RBFOX1: variants seen among roughly 807,000 people sequenced by gnomAD.
RBFOX1 encodes RNA binding protein fox-1 homolog 1.
A neutral mutation model predicts 57.7 loss-of-function variants in RBFOX1; 8 were observed. That is an observed-to-expected ratio of 0.14 (90% CI 0.08 to 0.25). RBFOX1 has a LOEUF of 0.25. Among genes scored for constraint, RBFOX1 ranks in the 10% least tolerant of loss-of-function variants. The pLI is 1.00. For missense variants in RBFOX1, 611 were observed against 548.5 expected (o/e 1.11, Z -1.14); for synonymous variants, 326 against 222.4 (o/e 1.47, Z -4.15).
chr16:6,999,491 C>T (rs986413944), intron 3 of RBFOX1, among the ~76,000 whole-genome samples: 3 of 151,402 alleles, frequency 2.0e-5, no homozygotes, highest in African/African-American at 7.3e-5. Flanking sequence ...CTGGAGCATT[C>T]TCAGTTGTTT....
At chr16:6,648,351 T>G (rs2098550440) in intron 2 of RBFOX1, among the ~76,000 whole-genome samples, 1 of 151,644 alleles carries the variant, frequency 6.6e-6, no homozygotes, top group South Asian at 2.1e-4. Flanking sequence ...ATGATGCATT[T>G]TAACTGGCTC....
intron 2 of RBFOX1, among the ~76,000 whole-genome samples, chr16:6,318,496 G>A (rs1283221329): frequency 1.3e-5 from 2 of 152,146 alleles, no homozygotes; most frequent in East Asian, 3.9e-4. Context: ...TGGGCAGGGA[G>A]GGGAGGGATG....
intron 5 of RBFOX1, among the ~76,000 whole-genome samples, chr16:7,567,355 A>G (rs1349789057): frequency 1.0e-5 from 1 of 98,166 alleles, no homozygotes; most frequent in Non-Finnish European, 2.3e-5. Context: ...ATATATCCCT[A>G]TATATGGCCC....
intron 3 of RBFOX1, among the ~76,000 whole-genome samples, chr16:5,815,493 C>T (rs774664903): frequency 3.2e-4 from 49 of 152,048 alleles, no homozygotes; most frequent in Non-Finnish European, 6.8e-4. Flanking sequence ...AATGAGTATT[C>T]AGTCACTAAT....
At chr16:7,685,191 A>AC (rs913376721) in intron 14 of RBFOX1, among the ~76,000 whole-genome samples, 2 of 152,054 alleles carry the variant, frequency 1.3e-5, no homozygotes, top group African/African-American at 4.8e-5. Flanking sequence ...CTTCTGTTCT[A>AC]CCCCGATATG....
At chr16:7,645,125 C>A (rs909878102) in intron 11 of RBFOX1, among the ~76,000 whole-genome samples, 1 of 152,138 alleles carries the variant, frequency 6.6e-6, no homozygotes, top group Non-Finnish European at 1.5e-5. Context: ...GTGCATTTCT[C>A]TCCAAGTTCA....
At chr16:6,930,955 C>T (rs1348862116) in intron 3 of RBFOX1, among the ~76,000 whole-genome samples, 4 of 151,456 alleles carry the variant, frequency 2.6e-5, no homozygotes, top group Non-Finnish European at 5.9e-5. Flanking sequence ...ATATAGTATC[C>T]CACCCCCCTA....
intron 2 of RBFOX1, among the ~76,000 whole-genome samples, chr16:6,366,297 C>G (rs1600163069): frequency 6.6e-6 from 1 of 152,244 alleles, no homozygotes; most frequent in East Asian, 1.9e-4. Flanking sequence ...ATGTTCTAAA[C>G]TCACCATACC....
intron 1 of RBFOX1, among the ~76,000 whole-genome samples, chr16:6,227,909 C>T (rs1464891659): frequency 2.0e-5 from 3 of 152,144 alleles, no homozygotes; most frequent in Non-Finnish European, 4.4e-5. Flanking sequence ...AATAGAACTA[C>T]CATATGATTC....
At position 7,614,795 on chromosome 16, in the gene RBFOX1, A is replaced by C. The variant is rs533595937; in HGVS notation, c.676+7457A>C. On this transcript the variant is annotated intron_variant, in intron 10 of 15. Coordinates refer to ENST00000550418, the MANE Select transcript of RBFOX1 (RefSeq NM_018723.4). ...GTGCTGAACACCTTGTTTCTCCTCAAATCCTTATGAAAATGCTATCCCATT... is the reference window on the plus strand; with the variant it reads ...GTGCTGAACACCTTGTTTCTCCTCACATCCTTATGAAAATGCTATCCCATT... The C allele has an allele frequency of 4.6e-5, 7 of 152,342 alleles. No individual in the cohort carries two copies. In the East Asian group the frequency reaches 1.2e-3, roughly 25 times the overall value. The allele number at this position is 152,342 out of a possible 1,614,324, so 9.4% of individuals were successfully genotyped here. A position where few individuals can be genotyped will look rare whatever the true frequency, so the allele number is the denominator to read the frequency against.
chr16:5,950,802 G>A (rs1221112785), intron 4 of RBFOX1, among the ~76,000 whole-genome samples: 1 of 152,056 alleles, frequency 6.6e-6, no homozygotes, highest in South Asian at 2.1e-4. Flanking sequence ...TAGGATACCT[G>A]AGTTCAAGGG....
chr16:7,459,302 G>T (rs897327289), intron 4 of RBFOX1, among the ~76,000 whole-genome samples: 3 of 152,180 alleles, frequency 2.0e-5, no homozygotes, highest in Non-Finnish European at 4.4e-5. Flanking sequence ...CACACTTTCT[G>T]GAGAAAGTCC....
At chr16:6,104,001 TC>T (rs1220006033) in intron 1 of RBFOX1, among the ~76,000 whole-genome samples, 2 of 152,150 alleles carry the variant, frequency 1.3e-5, no homozygotes, top group Admixed American at 6.5e-5. Context: ...CTTCCTCTGT[TC>T]CCAGTTCTTG....
At chr16:7,348,091 T>C (rs1351920620) in intron 4 of RBFOX1, among the ~76,000 whole-genome samples, 1 of 152,242 alleles carries the variant, frequency 6.6e-6, no homozygotes, top group South Asian at 2.1e-4. Context: ...CAAAACTGTT[T>C]TAAAACATTG....
chr16:5,544,860 T>G (rs190360060), intron 2 of RBFOX1, among the ~76,000 whole-genome samples: 2 of 151,728 alleles, frequency 1.3e-5, no homozygotes, highest in Admixed American at 6.6e-5. Flanking sequence ...GTAACCGTAT[T>G]AACCCTATAT....
intron 3 of RBFOX1, among the ~76,000 whole-genome samples, chr16:5,612,070 C>T (rs952876513): frequency 3.3e-5 from 5 of 151,114 alleles, no homozygotes; most frequent in African/African-American, 9.7e-5. Flanking sequence ...ATCTAGTCTC[C>T]CACCCACCTA....
chr16:6,074,789 G>A (rs965527019), intron 1 of RBFOX1, among the ~76,000 whole-genome samples: 2 of 152,128 alleles, frequency 1.3e-5, no homozygotes, highest in East Asian at 1.9e-4. Context: ...CAGGCCTCAC[G>A]GGGAAAAGGA....
intron 1 of RBFOX1, among the ~76,000 whole-genome samples, chr16:6,102,274 CTAT>C (rs2096321576): frequency 6.6e-6 from 1 of 151,486 alleles, no homozygotes; most frequent in South Asian, 2.1e-4. Flanking sequence ...TTCCCTCTCA[CTAT>C]CTTTCCTTCT....
chr16:6,726,547 G>C (rs1231779852), intron 3 of RBFOX1, among the ~76,000 whole-genome samples: 1 of 152,026 alleles, frequency 6.6e-6, no homozygotes, highest in Non-Finnish European at 1.5e-5. Flanking sequence ...TCAGGTTCTT[G>C]TGAACAATGA....
Sources: gnomAD v4.1 joint callset for allele counts (sites outside exome capture counted in the v4.1 genomes callset) on GRCh38, gnomAD v4.1.1 for gene constraint, MANE v1.5 for transcripts, NCBI Gene and HGNC (gene_info 2026-07-23, HGNC 2026-07-21) for gene names.